The following NPR3 variants were observed in gnomAD, a reference collection of about 807,000 sequenced individuals.
NPR3 encodes natriuretic peptide receptor 3.
Under a neutral mutation model 54.5 loss-of-function variants are expected in NPR3, and 34 were observed. The observed-to-expected ratio is 0.62, with a 90% CI of 0.47 to 0.83. The LOEUF (loss-of-function observed/expected upper bound fraction) is 0.83. Ranked by LOEUF, NPR3 falls within the 40% of genes least tolerant of loss-of-function variation. The probability of loss-of-function intolerance (pLI) is 0.00; values close to 1 mark genes in which losing one functional copy is unlikely to be tolerated. For synonymous variants in NPR3, 289 were observed against 297.1 expected (o/e 0.97, Z 0.28); for missense variants, 674 against 720.8 (o/e 0.94, Z 0.74).
At chr5:32,728,698 T>C (rs1187357825) in intron 2 of NPR3, among the ~76,000 whole-genome samples, 3 of 151,258 alleles carry the variant, frequency 2.0e-5, no homozygotes, top group African/African-American at 4.8e-5. Context: ...CCTTCTATAA[T>C]GAAATAATTT....
chr5:32,720,313 C>CA (rs1488445970), intron 1 of NPR3, among the ~76,000 whole-genome samples: 1 of 152,154 alleles, frequency 6.6e-6, no homozygotes, highest in Non-Finnish European at 1.5e-5. Flanking sequence ...AATGAAAGCA[C>CA]ATTGAGAGAT....
chr5:32,757,265 C>CCAA, intron 3 of NPR3, among the ~76,000 whole-genome samples: 1 of 152,220 alleles, frequency 6.6e-6, no homozygotes, highest in Admixed American at 6.5e-5. Flanking sequence ...TTGTTTGTAT[C>CCAA]CTCTTTTATT....
chr5:32,749,032 C>A (rs1190759844), intron 3 of NPR3, among the ~76,000 whole-genome samples: 2 of 152,114 alleles, frequency 1.3e-5, no homozygotes, highest in Non-Finnish European at 2.9e-5. Flanking sequence ...TCTGTGCCCC[C>A]CTTTTAAAAG....
Position 32,724,809 on chromosome 5 carries a change from G to A in NPR3, c.881G>A (p.Ser294Asn). ...TTCTTCAACATTGAGCTCTTCAACA[G>A]CTCTTCCTATGGTAACTCTGCTTCC... is the stretch of plus-strand genomic sequence containing the variant. ...YAFFNIELFNSSSYGDGSWKR... is the reference protein window; with the variant it reads ...YAFFNIELFNNSSYGDGSWKR... The change falls in exon 2 of 8, where the codon AGC becomes AAC. Residue 294 changes from serine (S) to asparagine (N), a missense_variant. Ser to Asn is a conservative substitution (Grantham distance 46). Transcript: ENST00000265074. 6.2e-7 allele frequency: 1 copy of A among 1,613,864 alleles called. No homozygotes were observed. Among genetic ancestry groups the A allele is most frequent in the Non-Finnish European group, 8.5e-7 (1 of 1,179,854 alleles).
chr5:32,756,022 G>T (rs1740821160), intron 3 of NPR3, among the ~76,000 whole-genome samples: 1 of 152,154 alleles, frequency 6.6e-6, no homozygotes, highest in African/African-American at 2.4e-5. Context: ...ATTTGGGTTG[G>T]TTCCAAGTCT....
At chr5:32,768,874 A>G (rs1251295201) in intron 3 of NPR3, among the ~76,000 whole-genome samples, 1 of 152,210 alleles carries the variant, frequency 6.6e-6, no homozygotes, top group Non-Finnish European at 1.5e-5. Context: ...GAAGTATGCC[A>G]GAGGGTTCAG....
At chr5:32,767,815 A>G (rs1256086717) in intron 3 of NPR3, among the ~76,000 whole-genome samples, 1 of 152,208 alleles carries the variant, frequency 6.6e-6, no homozygotes, top group African/African-American at 2.4e-5. Flanking sequence ...ACACATCTCT[A>G]GGTGACTCAA....
Position 32,711,882 on chromosome 5 carries a change from G to C in NPR3, c.106G>C (p.Ala36Pro), listed in dbSNP as rs781759315. 15 of 1,463,584 alleles carry C rather than the reference G, an allele frequency of 1.0e-5. No individual in the cohort carries two copies. The highest frequency in any genetic ancestry group is 1.8e-6 in the Non-Finnish European group (2 of 1,110,308). The allele number at this position is 1,463,584 out of a possible 1,614,324, so 90.7% of individuals were successfully genotyped here. A position where few individuals can be genotyped will look rare whatever the true frequency, so the allele number is the denominator to read the frequency against. The part of the protein sequence containing the change: ...GGGVGGGGGG[A>P]GIGGGRQERE... ...TGGCGTTGGCGGCGGCGGCGGTGGC[G>C]CGGGCATAGGCGGCGGACGCCAGGA... The change falls in exon 1 of 8, where the codon GCG becomes CCG. Residue 36 changes from alanine to proline, a missense_variant. Coordinates refer to ENST00000265074, the MANE Select transcript of NPR3 (RefSeq NM_001204375.2).
rs562142441 is a variant in NPR3, at chr5:32,745,135, C to A, written c.1059+6105C>A. On this transcript the variant is annotated intron_variant, in intron 3 of 7. Coordinates refer to ENST00000265074, the MANE Select transcript of NPR3 (RefSeq NM_001204375.2). ...TGTTGGCTGGTGGTGGAGTCTTATG[C>A]TTAGACCTTATTGGGTACACAAAGC... is the stretch of plus-strand genomic sequence containing the variant. Among the ~76,000 whole-genome samples, 5 of 152,230 alleles carry A rather than the reference C, an allele frequency of 3.3e-5. No individual in the cohort carries two copies. The East Asian group carries it at 9.6e-4, about 29-fold the overall frequency.
chr5:32,727,029 A>C (rs1360185778), intron 2 of NPR3, among the ~76,000 whole-genome samples: 1 of 152,254 alleles, frequency 6.6e-6, no homozygotes, highest in Non-Finnish European at 1.5e-5. Flanking sequence ...GTACATACGC[A>C]CATACACTTT....
chr5:32,693,413 C>T (rs760694725), intron 1 of NPR3, among the ~76,000 whole-genome samples: 1 of 152,008 alleles, frequency 6.6e-6, no homozygotes, highest in Non-Finnish European at 1.5e-5. Context: ...TATTGTTCTT[C>T]AGGGAGGGAA....
chr5:32,735,095 TGA>T (rs1739659464), intron 2 of NPR3, among the ~76,000 whole-genome samples: 1 of 152,202 alleles, frequency 6.6e-6, no homozygotes, highest in Non-Finnish European at 1.5e-5. Flanking sequence ...CGTGTGGAAA[TGA>T]CACCCAGCAC....
chr5:32,743,120 G>A (rs1328529560), intron 3 of NPR3, among the ~76,000 whole-genome samples: 1 of 152,124 alleles, frequency 6.6e-6, no homozygotes, highest in Non-Finnish European at 1.5e-5. Context: ...ACCAAATTTT[G>A]ATGGATTAAT....
At chr5:32,731,963 C>G (rs914963104) in intron 2 of NPR3, among the ~76,000 whole-genome samples, 2 of 152,166 alleles carry the variant, frequency 1.3e-5, no homozygotes, top group African/African-American at 2.4e-5. Context: ...CATTCTCGGC[C>G]GGGCGCGGTG....
chr5:32,729,027 T>TGTTG (rs1554014404), intron 2 of NPR3, among the ~76,000 whole-genome samples: 3 of 96,378 alleles, frequency 3.1e-5, no homozygotes, highest in African/African-American at 1.5e-4. Flanking sequence ...TTTTTTTTTT[T>TGTTG]TTGTTTTGTT....
chr5:32,711,271 C>G (rs1738207172), upstream of NPR3: 2 of 963,060 alleles, frequency 2.1e-6, no homozygotes, highest in Non-Finnish European at 2.4e-6. Flanking sequence ...TGTGGTAACA[C>G]GCTCAGCCGC....
At chr5:32,697,043 G>A (rs1169241698) in intron 1 of NPR3, among the ~76,000 whole-genome samples, 4 of 151,872 alleles carry the variant, frequency 2.6e-5, no homozygotes, top group Non-Finnish European at 1.5e-5. Context: ...AGTGGTGACA[G>A]TGTCATGTTC....
intron 2 of NPR3, among the ~76,000 whole-genome samples, chr5:32,734,685 A>G (rs1041250193): frequency 2.6e-4 from 40 of 152,256 alleles, no homozygotes; most frequent in Admixed American, 5.9e-4. Flanking sequence ...ACTTTCTGCA[A>G]TGATGGCTAT....
Position 32,728,835 on chromosome 5 carries a change from GTGTATATATATA to G in NPR3, c.892+4017_892+4028del, listed in dbSNP as rs1480114052. ...AATATTTGTGTGTGTGTGTGTGTGTGTGTATATATATATATATATATATATATATATATATAT... is the reference window on the plus strand; with the variant it reads ...AATATTTGTGTGTGTGTGTGTGTGTGTATATATATATATATATATATATAT... On this transcript the variant is annotated intron_variant, in intron 2 of 7. Coordinates refer to ENST00000265074, the MANE Select transcript of NPR3 (RefSeq NM_001204375.2). Among the ~76,000 whole-genome samples, 87 of 60,628 alleles carry G rather than the reference GTGTATATATATA, an allele frequency of 1.4e-3. 2 individuals are homozygous for G. Among genetic ancestry groups the G allele is most frequent in the East Asian group, 3.4e-3 (5 of 1,454 alleles). The allele number at this position is 60,628 out of a possible 152,430, so 39.8% of individuals were successfully genotyped here. A position where few individuals can be genotyped will look rare whatever the true frequency, so the allele number is the denominator to read the frequency against.
Sources: gnomAD v4.1 joint callset for allele counts (sites outside exome capture counted in the v4.1 genomes callset) on GRCh38, gnomAD v4.1.1 for gene constraint, MANE v1.5 for transcripts, NCBI Gene and HGNC (gene_info 2026-07-23, HGNC 2026-07-21) for gene names.